The following PERCC1 variants were observed in gnomAD, a reference collection of about 807,000 sequenced individuals.
PERCC1 encodes the protein proline and glutamate rich with coiled coil 1.
At chr16:1,432,452 G>A (rs192354144) in intron 1 of PERCC1, 95 bp from the exon 2 acceptor site, 26 of 397,668 alleles carry the variant, frequency 6.5e-5, no homozygotes, top group African/African-American at 5.1e-4. Context: ...CTCTGCGGGA[G>A]GCCACAGATG....
rs896674454 is a variant in PERCC1, at chr16:1,434,149, G to A, written c.*752G>A. The stretch of plus-strand genomic sequence containing the variant: ...CCTAGCCAAGCCCCTTCCACCCCGG[G>A]GGGCTCTGGCAGCCCTAGGGGGCCT... On this transcript the variant is annotated 3_prime_UTR_variant, in exon 2 of 2. Transcript: ENST00000640283. Among the ~76,000 whole-genome samples, 2 of 152,226 alleles carry A rather than the reference G, an allele frequency of 1.3e-5. No homozygotes were observed. Among genetic ancestry groups the A allele is most frequent in the African/African-American group, 4.8e-5 (2 of 41,474 alleles).
At position 1,432,674 on chromosome 16, in the gene PERCC1, G is replaced by A. The variant is rs1055879425; in HGVS notation, c.81G>A (p.Pro27=). The A allele has an allele frequency of 6.0e-5, 24 of 400,548 alleles. No individual in the cohort carries two copies. Among genetic ancestry groups the A allele is most frequent in the African/African-American group, 4.1e-4 (20 of 48,618 alleles). 24.8% of individuals were successfully genotyped at this position (400,548 alleles called of 1,614,324 possible). The part of the protein sequence containing the change: ...LRHHPFLPSD[P]EPPETSEEEE... ...ACCACCCCTTCCTGCCCTCAGATCC[G>A]GAGCCCCCAGAGACTTCGGAGGAGG... The change falls in exon 2 of 2, where the codon CCG becomes CCA. Residue 27 remains proline, a synonymous_variant. Transcript: ENST00000640283.
Position 1,433,870 on chromosome 16 carries a change from C to A in PERCC1, c.*473C>A, listed in dbSNP as rs547797247. 1.3e-5 allele frequency among the ~76,000 whole-genome samples: 2 copies of A among 152,256 alleles called. No individual in the cohort carries two copies. The highest frequency in any genetic ancestry group is 2.9e-5 in the Non-Finnish European group (2 of 68,038). Reference sequence around the variant, plus strand: ...GGCAGCAGACGGCAGGGCCGGCGACCGCGGGATGAGCGAGGGCTTTCTTGG... The same window carrying A: ...GGCAGCAGACGGCAGGGCCGGCGACAGCGGGATGAGCGAGGGCTTTCTTGG... On this transcript the variant is annotated 3_prime_UTR_variant, in exon 2 of 2. Coordinates refer to ENST00000640283, the MANE Select transcript of PERCC1 (RefSeq NM_001365310.2).
rs2038458589 is a variant in PERCC1, at chr16:1,432,648, C to T, written c.55C>T (p.His19Tyr). ...LCDFQLPLLR[H>Y]HPFLPSDPEP... ...CGACTTCCAGCTGCCCCTGCTGCGC[C>T]ACCACCCCTTCCTGCCCTCAGATCC... Residue 19 changes from histidine (H) to tyrosine (Y), a missense_variant, in exon 2 of 2, where the codon CAC (histidine) becomes TAC (tyrosine). By Grantham distance (83) the His-to-Tyr change is moderately conservative. Coordinates refer to ENST00000640283, the MANE Select transcript of PERCC1 (RefSeq NM_001365310.2). 7.5e-6 allele frequency: 3 copies of T among 400,174 alleles called. No individual in the cohort carries two copies. The highest frequency in any genetic ancestry group is 2.1e-5 in the African/African-American group (1 of 48,634). The allele number at this position is 400,174 out of a possible 1,614,324, so 24.8% of individuals were successfully genotyped here.
chr16:1,433,318 G>C lies in PERCC1; in HGVS notation c.725G>C (p.Ser242Thr), dbSNP rs1277066761. 1.0e-5 allele frequency: 4 copies of C among 398,742 alleles called. No homozygotes were observed. The highest frequency in any genetic ancestry group is 2.1e-5 in the African/African-American group (1 of 48,638). The allele number at this position is 398,742 out of a possible 1,614,324, so 24.7% of individuals were successfully genotyped here. A position where few individuals can be genotyped will look rare whatever the true frequency, so the allele number is the denominator to read the frequency against. Reference sequence around the variant, plus strand: ...CCGGACTTCAGCGACCTGCTGGCCAGCTGGTCAACCGAGGCCTGTCCTGAG... The same window carrying C: ...CCGGACTTCAGCGACCTGCTGGCCACCTGGTCAACCGAGGCCTGTCCTGAG... The part of the protein sequence containing the change: ...GTPDFSDLLA[S>T]WSTEACPELP... The change falls in exon 2 of 2, where the codon AGC becomes ACC. Residue 242 changes from serine (S) to threonine (T), a missense_variant. Physicochemically the swap from Ser to Thr is moderately conservative, Grantham distance 58. Transcript: ENST00000640283.
In PERCC1 at chr16:1,434,366, C is replaced by T. The variant is rs756551498; in HGVS notation, c.*969C>T. The T allele has an allele frequency of 1.3e-6, 2 of 1,543,482 alleles. No individual in the cohort carries two copies. The highest frequency in any genetic ancestry group is 1.2e-5 in the South Asian group (1 of 83,434). On this transcript the variant is annotated 3_prime_UTR_variant, in exon 2 of 2. Transcript: ENST00000640283. ...CCTGGGTAGGCTGTCTCCCAGCACACATCAGGGAACCTCAGCTCTAATGAG... is the reference window on the plus strand; with the variant it reads ...CCTGGGTAGGCTGTCTCCCAGCACATATCAGGGAACCTCAGCTCTAATGAG...
At chr16:1,431,931 T>G (rs2038451478) in intron 1 of PERCC1, among the ~76,000 whole-genome samples, 1 of 152,158 alleles carries the variant, frequency 6.6e-6, no homozygotes, top group Non-Finnish European at 1.5e-5. Flanking sequence ...TCCCGCTCCC[T>G]TGGGACTGTG....
rs78496303 is a variant in PERCC1, at chr16:1,432,590, G to A, written c.-4G>A. ...GAGGCCCCAGAAGCGTGGGACGCGCGGAGATGGCCGCCGGTGTGATCCGGC... is the reference window on the plus strand; with the variant it reads ...GAGGCCCCAGAAGCGTGGGACGCGCAGAGATGGCCGCCGGTGTGATCCGGC... On this transcript the variant is annotated 5_prime_UTR_variant, in exon 2 of 2. Coordinates refer to ENST00000640283, the MANE Select transcript of PERCC1 (RefSeq NM_001365310.2). The A allele has an allele frequency of 0.044, 17,378 of 398,976 alleles. 445 individuals are homozygous for A. The highest frequency in any genetic ancestry group is 0.082 in the Middle Eastern group (131 of 1,596). 24.7% of individuals were successfully genotyped at this position (398,976 alleles called of 1,614,324 possible).
chr16:1,434,416 G>A lies in PERCC1; in HGVS notation c.*1019G>A. On this transcript the variant is annotated 3_prime_UTR_variant, in exon 2 of 2. Transcript: ENST00000640283. ...GTACAAAGCCAGCACGTTTATTTCT[G>A]GATAAACAGTGAGGGTGTGAGCTGC... The A allele has an allele frequency of 6.5e-7, 1 of 1,550,330 alleles. No individual in the cohort carries two copies. Among genetic ancestry groups the A allele is most frequent in the South Asian group, 1.2e-5 (1 of 84,050 alleles).
rs540157416 is a variant in PERCC1, at chr16:1,433,569, C to G, written c.*172C>G. The stretch of plus-strand genomic sequence containing the variant: ...GGGAGCAGCAAGGGTGGTGCCCAGA[C>G]CTGGCCATGCCCTGGCCTTCAGCCC... On this transcript the variant is annotated 3_prime_UTR_variant, in exon 2 of 2. Coordinates refer to ENST00000640283, the MANE Select transcript of PERCC1 (RefSeq NM_001365310.2). Among the ~76,000 whole-genome samples the G allele has an allele frequency of 6.6e-6, 1 of 152,354 alleles. No homozygotes were observed. The highest frequency in any genetic ancestry group is 1.9e-4 in the East Asian group (1 of 5,184).
rs1055982178 is a variant in PERCC1, at chr16:1,432,431, C to T, written c.-47-116C>T. ...ACAAGCACAACTGGGCACCCAGGAG[C>T]GGAGGAAGGTCTCTGCGGGAGGCCA... On this transcript the variant is annotated intron_variant, in intron 1 of 1. Coordinates refer to ENST00000640283, the MANE Select transcript of PERCC1 (RefSeq NM_001365310.2). 4.5e-5 allele frequency: 18 copies of T among 397,378 alleles called. 1 individual carries two copies. The highest frequency in any genetic ancestry group is 1.2e-4 in the African/African-American group (6 of 48,622). 24.6% of individuals were successfully genotyped at this position (397,378 alleles called of 1,614,324 possible).
Position 1,433,451 on chromosome 16 carries a change from T to G in PERCC1, c.*54T>G, listed in dbSNP as rs903617979. 48 of 398,426 alleles carry G rather than the reference T, an allele frequency of 1.2e-4. No individual in the cohort carries two copies. Among genetic ancestry groups the G allele is most frequent in the Non-Finnish European group, 1.8e-4 (40 of 226,078 alleles). 24.7% of individuals were successfully genotyped at this position (398,426 alleles called of 1,614,324 possible). On this transcript the variant is annotated 3_prime_UTR_variant, in exon 2 of 2. Coordinates refer to ENST00000640283, the MANE Select transcript of PERCC1 (RefSeq NM_001365310.2). ...GGCAGCAGGGCCACCCCTAAGGCAC[T>G]GGACTCTCCTCCCATCCTCCTGGGA...
Position 1,433,273 on chromosome 16 carries a change from G to C in PERCC1, c.680G>C (p.Gly227Ala). Residue 227 changes from glycine (G) to alanine (A), a missense_variant, in exon 2 of 2, where the codon GGC becomes GCC. Physicochemically the swap from Gly to Ala is moderately conservative, Grantham distance 60. Transcript: ENST00000640283. Reference sequence around the variant, plus strand: ...AAGGAGCCGACCCCTAGCCCCCTGGGCCTGCTGCACCCTGGCACGCCGGAC... The same window carrying C: ...AAGGAGCCGACCCCTAGCCCCCTGGCCCTGCTGCACCCTGGCACGCCGGAC... ...FWKEPTPSPLGLLHPGTPDFS... is the reference protein window; with the variant it reads ...FWKEPTPSPLALLHPGTPDFS... The C allele has an allele frequency of 2.5e-6, 1 of 398,916 alleles. No individual in the cohort carries two copies. The highest frequency in any genetic ancestry group is 4.4e-5 in the Admixed American group (1 of 22,734). The allele number at this position is 398,916 out of a possible 1,614,324, so 24.7% of individuals were successfully genotyped here.
chr16:1,431,559 C>T (rs1450436122), intron 1 of PERCC1, among the ~76,000 whole-genome samples: 2 of 151,504 alleles, frequency 1.3e-5, no homozygotes, highest in Admixed American at 1.3e-4. Context: ...ACCCCTCCCT[C>T]CCTGAAGCCC....
intron 1 of PERCC1, among the ~76,000 whole-genome samples, chr16:1,431,847 C>A (rs538869958): frequency 6.6e-6 from 1 of 152,286 alleles, no homozygotes; most frequent in African/African-American, 2.4e-5. Context: ...GGAGCCCACC[C>A]CTGCAGGGAC....
In PERCC1 at chr16:1,433,170, GGCTGGAGCCTGAC is replaced by G; in HGVS notation, c.586_598del (p.Leu196GlyfsTer336). ...GTACTGGGGGTCCAGGGCAGCGGCCGGCTGGAGCCTGACGCTGGAGCGGAAGTACGGCCACATC... is the reference window on the plus strand; with the variant it reads ...GTACTGGGGGTCCAGGGCAGCGGCCGGCTGGAGCGGAAGTACGGCCACATC... On this transcript the variant is annotated frameshift_variant, in exon 2 of 2. Transcript: ENST00000640283. LOFTEE classifies it low-confidence loss of function (END_TRUNC). 2.5e-6 allele frequency: 1 copy of G among 398,612 alleles called. No homozygotes were observed. Among genetic ancestry groups the G allele is most frequent in the Non-Finnish European group, 4.4e-6 (1 of 226,026 alleles). The allele number at this position is 398,612 out of a possible 1,614,324, so 24.7% of individuals were successfully genotyped here.
rs2038477554 is a variant in PERCC1, at chr16:1,434,398, G to A, written c.*1001G>A. Reference sequence around the variant, plus strand: ...GAACCTCAGCTCTAATGAGTACAAAGCCAGCACGTTTATTTCTGGATAAAC... The same window carrying A: ...GAACCTCAGCTCTAATGAGTACAAAACCAGCACGTTTATTTCTGGATAAAC... On this transcript the variant is annotated 3_prime_UTR_variant, in exon 2 of 2. Coordinates refer to ENST00000640283, the MANE Select transcript of PERCC1 (RefSeq NM_001365310.2). 3.2e-6 allele frequency: 5 copies of A among 1,550,028 alleles called. No homozygotes were observed. The highest frequency in any genetic ancestry group is 4.4e-6 in the Non-Finnish European group (5 of 1,146,738).
rs1427547684 is a variant in PERCC1 at position 1,432,979 on chromosome 16, TCTA to T, written c.390_392del (p.Tyr131del). The T allele has an allele frequency of 2.5e-6, 1 of 398,820 alleles. No individual in the cohort carries two copies. Among genetic ancestry groups the T allele is most frequent in the Non-Finnish European group, 4.4e-6 (1 of 226,100 alleles). 24.7% of individuals were successfully genotyped at this position (398,820 alleles called of 1,614,324 possible). On this transcript the variant is annotated inframe_deletion, in exon 2 of 2. Transcript: ENST00000640283. ...CCACCCCGCAGCACTGCCCGGGAGC[TCTA>T]CTATGCGGACCTGGTGCGCCTGGCC...
In PERCC1 at chr16:1,433,736, G is replaced by A. The variant is rs549383950; in HGVS notation, c.*339G>A. On this transcript the variant is annotated 3_prime_UTR_variant, in exon 2 of 2. Coordinates refer to ENST00000640283, the MANE Select transcript of PERCC1 (RefSeq NM_001365310.2). ...CCAGAGATTCCAGGTGAGCAGCAAG[G>A]GGCGGTGGAGGACAGAGCCCCCCGA... Among the ~76,000 whole-genome samples, 3 of 152,300 alleles carry A rather than the reference G, an allele frequency of 2.0e-5. No homozygotes were observed. The South Asian group carries it at 6.2e-4, about 32-fold the overall frequency.
Sources: allele counts gnomAD v4.1 joint callset (sites outside exome capture counted in the v4.1 genomes callset), GRCh38; gene constraint gnomAD v4.1.1; transcripts MANE v1.5; gene names NCBI Gene and HGNC (gene_info 2026-07-23, HGNC 2026-07-21).